The following ADAMTS6 variants were observed in gnomAD, a reference collection of about 807,000 sequenced individuals.
The protein encoded by ADAMTS6 is A disintegrin and metalloproteinase with thrombospondin motifs 6.
In ADAMTS6, 23 loss-of-function variants were observed where a neutral mutation model predicts 144.3. The ratio of observed to expected loss-of-function variants is 0.16; its 90% CI spans 0.11 to 0.23. ADAMTS6 has a LOEUF of 0.23. Among genes scored for constraint, ADAMTS6 ranks in the 10% least tolerant of loss-of-function variants. The pLI is 1.00. For synonymous variants in ADAMTS6, 444 were observed against 457.5 expected, an observed-to-expected ratio of 0.97 and a Z score of 0.38; for missense variants, 999 against 1,379.6, an observed-to-expected ratio of 0.72 and a Z score of 4.37.
intron 20 of ADAMTS6, among the ~76,000 whole-genome samples, chr5:65,204,577 G>C (rs1053704465): frequency 6.6e-6 from 1 of 152,166 alleles, no homozygotes; most frequent in Non-Finnish European, 1.5e-5. Context: ...TTGTGGGAGA[G>C]AGTGAATAGG....
At chr5:65,462,602 T>G (rs1759708311) in intron 3 of ADAMTS6, among the ~76,000 whole-genome samples, 1 of 152,202 alleles carries the variant, frequency 6.6e-6, no homozygotes, top group Non-Finnish European at 1.5e-5. Flanking sequence ...GAGCCTGAAC[T>G]CTTAACCACT....
chr5:65,277,806 C>G (rs1027434542), intron 11 of ADAMTS6, among the ~76,000 whole-genome samples: 1 of 152,144 alleles, frequency 6.6e-6, no homozygotes, highest in African/African-American at 2.4e-5. Flanking sequence ...CTAAAAGTTT[C>G]TGAATGACCC....
At chr5:65,372,769 T>G (rs1402519600) in intron 7 of ADAMTS6, among the ~76,000 whole-genome samples, 1 of 152,092 alleles carries the variant, frequency 6.6e-6, no homozygotes, top group Non-Finnish European at 1.5e-5. Flanking sequence ...AATAGACATC[T>G]ACAGAACTCT....
intron 7 of ADAMTS6, among the ~76,000 whole-genome samples, chr5:65,431,574 T>G (rs560789315): frequency 2.6e-5 from 4 of 152,234 alleles, no homozygotes; most frequent in African/African-American, 9.6e-5. Context: ...TAAAACAAGG[T>G]AACAGAGGAA....
chr5:65,272,213 C>A (rs1762108956), intron 12 of ADAMTS6, among the ~76,000 whole-genome samples: 1 of 152,180 alleles, frequency 6.6e-6, no homozygotes, highest in Admixed American at 6.5e-5. Context: ...GAAGTCAGAA[C>A]TGAGAACAGA....
intron 7 of ADAMTS6, among the ~76,000 whole-genome samples, chr5:65,424,266 T>C (rs1209244534): frequency 6.6e-6 from 1 of 152,142 alleles, no homozygotes; most frequent in Non-Finnish European, 1.5e-5. Context: ...TCTGAAACCC[T>C]CTGTTCCCCA....
At chr5:65,301,057 ATCGTAGCC>A (rs1743325116) in intron 9 of ADAMTS6, among the ~76,000 whole-genome samples, 1 of 152,172 alleles carries the variant, frequency 6.6e-6, no homozygotes, top group Non-Finnish European at 1.5e-5. Context: ...TTTGGTTTTT[ATCGTAGCC>A]TCCTTCATTT....
chr5:65,347,040 AAAG>A (rs1264030647), intron 7 of ADAMTS6, among the ~76,000 whole-genome samples: 1 of 151,874 alleles, frequency 6.6e-6, no homozygotes, highest in Non-Finnish European at 1.5e-5. Context: ...TAAAAAAATT[AAAG>A]AAGACATAAA....
In ADAMTS6 at chr5:65,149,096, G is replaced by A. The variant is rs534630096; in HGVS notation, c.*2740C>T. On this transcript the variant is annotated 3_prime_UTR_variant, in exon 25 of 25. Transcript: ENST00000381055. ...TATTTGGAAATCATATGTATCTCACGGGGTTTAATCATTAGGGTACATTTA... is the reference window on the plus strand; with the variant it reads ...TATTTGGAAATCATATGTATCTCACAGGGTTTAATCATTAGGGTACATTTA... 2 of 152,650 alleles carry A rather than the reference G, an allele frequency of 1.3e-5. No homozygotes were observed. The highest frequency in any genetic ancestry group is 2.4e-5 in the African/African-American group (1 of 41,526). The allele number at this position is 152,650 out of a possible 1,614,324, so 9.5% of individuals were successfully genotyped here.
At chr5:65,360,684 T>C (rs1435260738) in intron 7 of ADAMTS6, among the ~76,000 whole-genome samples, 1 of 152,132 alleles carries the variant, frequency 6.6e-6, no homozygotes, top group Non-Finnish European at 1.5e-5. Context: ...TAATCCAAAA[T>C]TCAAGACCAT....
At chr5:65,200,778 C>T (rs765871488) in intron 20 of ADAMTS6, among the ~76,000 whole-genome samples, 11 of 151,814 alleles carry the variant, frequency 7.2e-5, no homozygotes, top group South Asian at 6.3e-4. Flanking sequence ...CTTCATATTA[C>T]GAAAGTTAAT....
intron 20 of ADAMTS6, among the ~76,000 whole-genome samples, chr5:65,206,593 G>A (rs574780721): frequency 9.2e-4 from 139 of 151,490 alleles, no homozygotes; most frequent in Admixed American, 3.3e-3. Flanking sequence ...CCAGCTACTC[G>A]GGAGTCTGAG....
chr5:65,260,473 A>C (rs951162213), intron 14 of ADAMTS6, 127 bp downstream of exon 14: 9 of 722,120 alleles, frequency 1.2e-5, no homozygotes, highest in Non-Finnish European at 2.1e-5. Context: ...CATTATTAAC[A>C]ATTTAGAAAA....
intron 1 of ADAMTS6, among the ~76,000 whole-genome samples, chr5:65,478,307 T>C (rs1760977071): frequency 1.3e-5 from 2 of 152,156 alleles, no homozygotes; most frequent in South Asian, 4.1e-4. Context: ...CAGATATAGT[T>C]TCCAAAGTTC....
intron 9 of ADAMTS6, among the ~76,000 whole-genome samples, chr5:65,310,553 A>G (rs925212523): frequency 6.6e-6 from 1 of 152,220 alleles, no homozygotes; most frequent in African/African-American, 2.4e-5. Flanking sequence ...TTGAATTAAA[A>G]TAATGGTATA....
intron 24 of ADAMTS6, among the ~76,000 whole-genome samples, chr5:65,162,545 T>C (rs2112008657): frequency 6.6e-6 from 1 of 152,146 alleles, no homozygotes; most frequent in Non-Finnish European, 1.5e-5. Context: ...CAAATCACTA[T>C]CTTCCCCTGT....
At chr5:65,240,846 G>A (rs1160860717) in intron 15 of ADAMTS6, among the ~76,000 whole-genome samples, 1 of 152,154 alleles carries the variant, frequency 6.6e-6, no homozygotes, top group Non-Finnish European at 1.5e-5. Flanking sequence ...TAAAGCCAAT[G>A]TTCTGTATCT....
intron 7 of ADAMTS6, among the ~76,000 whole-genome samples, chr5:65,335,320 A>C (rs1014719234): frequency 1.3e-5 from 2 of 152,096 alleles, no homozygotes; most frequent in African/African-American, 4.8e-5. Context: ...CTTCTTTTGT[A>C]ATTGGTAAGC....
At position 65,310,696 on chromosome 5, in the gene ADAMTS6, A is replaced by G. The variant is rs75577725; in HGVS notation, c.1224-10565T>C. 5.2e-3 allele frequency among the ~76,000 whole-genome samples: 793 copies of G among 152,332 alleles called. 4 individuals are homozygous for G. Among genetic ancestry groups the G allele is most frequent in the African/African-American group, 0.017 (726 of 41,582 alleles). On this transcript the variant is annotated intron_variant, in intron 9 of 24. Coordinates refer to ENST00000381055, the MANE Select transcript of ADAMTS6 (RefSeq NM_197941.4). ...CATTAGCAATTTAGCAGAATGAAACATATTTTAAAGTTTTCTATAGAACTA... is the reference window on the plus strand; with the variant it reads ...CATTAGCAATTTAGCAGAATGAAACGTATTTTAAAGTTTTCTATAGAACTA...
Sources: allele counts gnomAD v4.1 joint callset (sites outside exome capture counted in the v4.1 genomes callset), GRCh38; gene constraint gnomAD v4.1.1; transcripts MANE v1.5; gene names NCBI Gene and HGNC (gene_info 2026-07-23, HGNC 2026-07-21).